SAMD12: variants seen among roughly 807,000 people sequenced by gnomAD.
SAMD12 encodes sterile alpha motif domain containing 12, also known as sterile alpha motif domain-containing protein 12.
Under a neutral mutation model 15.0 loss-of-function variants are expected in SAMD12, and 9 were observed. That is an observed-to-expected ratio of 0.60 (90% confidence interval 0.36 to 1.05). The LOEUF is 1.05. SAMD12 is among the 50% of genes least tolerant of loss of function. The pLI is 0.01. For missense variants in SAMD12, 230 were observed against 234.2 expected (o/e 0.98, Z 0.12); for synonymous variants, 86 against 90.1 (o/e 0.96, Z 0.25).
intron 1 of SAMD12, among the ~76,000 whole-genome samples, chr8:118,599,253 T>C (rs560600619): frequency 6.6e-6 from 1 of 152,318 alleles, no homozygotes; most frequent in Non-Finnish European, 1.5e-5. Context: ...AGGTTTCCAC[T>C]GCCAGAATAC....
chr8:118,247,892 C>A (rs1812732464), intron 4 of SAMD12, among the ~76,000 whole-genome samples: 1 of 152,034 alleles, frequency 6.6e-6, no homozygotes, highest in Non-Finnish European at 1.5e-5. Context: ...ATTTATTAAT[C>A]TTATAAATTA....
chr8:118,432,651 G>T (rs909554635), intron 3 of SAMD12, among the ~76,000 whole-genome samples: 1 of 152,206 alleles, frequency 6.6e-6, no homozygotes, highest in African/African-American at 2.4e-5. Flanking sequence ...CAACCCAGAT[G>T]AAGAGAACTA....
Position 118,549,066 on chromosome 8 carries a change from T to G in SAMD12, c.192+31649A>C, listed in dbSNP as rs549538183. On this transcript the variant is annotated intron_variant, in intron 2 of 3. Transcript: ENST00000314727. The stretch of plus-strand genomic sequence containing the variant: ...GAGCCCACCACAGCTCAAGGAGGCC[T>G]GCCTGCCTCTGTAGGCTCCACCTCT... Among the ~76,000 whole-genome samples, 100 of 152,358 alleles carry G rather than the reference T, an allele frequency of 6.6e-4. 2 individuals are homozygous for G. Among genetic ancestry groups the G allele is most frequent in the African/African-American group, 2.2e-3 (93 of 41,602 alleles).
At position 118,243,459 on chromosome 8, in the gene SAMD12, C is replaced by T. The variant is rs574884922; in HGVS notation, c.434-45727G>A. Reference sequence around the variant, plus strand: ...GATAACCTGCATGCACTGTACCACTCCATTTTTTTTAAAAAAAACTATATA... The same window carrying T: ...GATAACCTGCATGCACTGTACCACTTCATTTTTTTTAAAAAAAACTATATA... On this transcript the variant is annotated intron_variant, in intron 4 of 4. Coordinates refer to the SAMD12 transcript ENST00000409003. Among the ~76,000 whole-genome samples the T allele has an allele frequency of 2.2e-4, 32 of 144,850 alleles. No individual in the cohort carries two copies. The East Asian group carries it at 5.6e-3, about 25-fold the overall frequency.
chr8:118,508,733 C>G (rs1216193832), intron 2 of SAMD12, among the ~76,000 whole-genome samples: 1 of 152,180 alleles, frequency 6.6e-6, no homozygotes, highest in Admixed American at 6.5e-5. Flanking sequence ...CATGCACTGT[C>G]TTTTATTTTC....
chr8:118,520,229 A>G (rs182554068), intron 2 of SAMD12, among the ~76,000 whole-genome samples: 1 of 148,742 alleles, frequency 6.7e-6, no homozygotes, highest in Non-Finnish European at 1.5e-5. Context: ...AAAGAAGAAA[A>G]AAACACACAT....
chr8:118,257,602 G>C (rs1308170877), intron 4 of SAMD12, among the ~76,000 whole-genome samples: 2 of 152,154 alleles, frequency 1.3e-5, no homozygotes, highest in Non-Finnish European at 2.9e-5. Context: ...ATTCAATTCA[G>C]GGGACACTCA....
chr8:118,600,232 A>G (rs781444288), intron 1 of SAMD12, among the ~76,000 whole-genome samples: 5 of 152,184 alleles, frequency 3.3e-5, no homozygotes, highest in Non-Finnish European at 7.3e-5. Flanking sequence ...CAAATTTTTA[A>G]AAATGATACT....
intron 4 of SAMD12, among the ~76,000 whole-genome samples, chr8:118,260,097 C>G (rs1489487711): frequency 6.6e-6 from 1 of 152,064 alleles, no homozygotes; most frequent in East Asian, 1.9e-4. Flanking sequence ...CTTATACTTG[C>G]GTATTAAACA....
At chr8:118,306,626 C>A (rs1815364178) in intron 4 of SAMD12, among the ~76,000 whole-genome samples, 1 of 152,170 alleles carries the variant, frequency 6.6e-6, no homozygotes, top group Non-Finnish European at 1.5e-5. Context: ...AAAGCCACCA[C>A]CCCAGCCCTG....
intron 4 of SAMD12, among the ~76,000 whole-genome samples, chr8:118,223,068 A>C (rs1035857521): frequency 6.6e-6 from 1 of 152,200 alleles, no homozygotes; most frequent in African/African-American, 2.4e-5. Flanking sequence ...TCTTCTACTA[A>C]GAGTTACATA....
At chr8:118,257,339 G>GAAA (rs1178750063) in intron 4 of SAMD12, among the ~76,000 whole-genome samples, 17 of 152,088 alleles carry the variant, frequency 1.1e-4, no homozygotes, top group Non-Finnish European at 2.2e-4. Flanking sequence ...CCATTAACCA[G>GAAA]TGACCTATCT....
downstream of SAMD12, among the ~76,000 whole-genome samples, chr8:118,186,165 A>T (rs1438512975): frequency 6.6e-6 from 1 of 152,172 alleles, no homozygotes; most frequent in Non-Finnish European, 1.5e-5. Context: ...GACAAGGGTA[A>T]AGTACATATA....
intron 2 of SAMD12, among the ~76,000 whole-genome samples, chr8:118,578,683 GC>G (rs1331941917): frequency 5.0e-4 from 76 of 152,170 alleles, no homozygotes; most frequent in African/African-American, 1.8e-3. Flanking sequence ...GGTCAGTCAT[GC>G]TGCTGGCATC....
At chr8:118,139,004 TAAC>T in the SAMD12 span, among the ~76,000 whole-genome samples, 1 of 152,146 alleles carries the variant, frequency 6.6e-6, no homozygotes, top group South Asian at 2.1e-4. Context: ...GTATCGAACT[TAAC>T]AGCCAAGGAG....
intron 1 of SAMD12, among the ~76,000 whole-genome samples, chr8:118,599,751 A>C (rs1250076553): frequency 6.6e-6 from 1 of 152,178 alleles, no homozygotes. Flanking sequence ...GAGAGACCTT[A>C]CTACTTGCAT....
At chr8:118,445,261 G>C (rs908929118) in intron 2 of SAMD12, among the ~76,000 whole-genome samples, 1 of 152,156 alleles carries the variant, frequency 6.6e-6, no homozygotes, top group Non-Finnish European at 1.5e-5. Flanking sequence ...AGGAAAAATG[G>C]TTAGCTCATA....
chr8:118,303,115 ATGTTTTCATTTG>A (rs1273176634), intron 4 of SAMD12, among the ~76,000 whole-genome samples: 1 of 152,228 alleles, frequency 6.6e-6, no homozygotes, highest in African/African-American at 2.4e-5. Flanking sequence ...TACAAAAGAT[ATGTTTTCATTTG>A]TGTATCATCC....
intron 4 of SAMD12, among the ~76,000 whole-genome samples, chr8:118,346,648 G>A (rs1817673874): frequency 6.6e-6 from 1 of 152,230 alleles, no homozygotes; most frequent in East Asian, 1.9e-4. Flanking sequence ...CAGGTTCTGC[G>A]ATTCACTAGG....
Sources: gnomAD v4.1 joint callset for allele counts (sites outside exome capture counted in the v4.1 genomes callset) on GRCh38, gnomAD v4.1.1 for gene constraint, MANE v1.5 for transcripts, NCBI Gene and HGNC (gene_info 2026-07-23, HGNC 2026-07-21) for gene names.